PPEF2: variants seen among roughly 807,000 people sequenced by gnomAD.
PPEF2 encodes serine/threonine-protein phosphatase with EF-hands 2.
Under a neutral mutation model 84.7 loss-of-function variants are expected in PPEF2, and 84 were observed. The ratio of observed to expected loss-of-function variants is 0.99; its 90% CI spans 0.83 to 1.19. The LOEUF is 1.19. Ranked by LOEUF, PPEF2 falls within the 50% of genes most tolerant of loss-of-function variation. The pLI, the probability that PPEF2 is intolerant of heterozygous loss-of-function variation, is 0.00. For synonymous variants in PPEF2, 346 were observed against 345.2 expected (o/e 1.00, Z -0.03); for missense variants, 924 against 937.5 (o/e 0.99, Z 0.19).
chr4:75,865,717 G>A (rs975864611), intron 15 of PPEF2, among the ~76,000 whole-genome samples: 1 of 152,126 alleles, frequency 6.6e-6, no homozygotes, highest in Non-Finnish European at 1.5e-5. Context: ...TGAATTGCAT[G>A]GTATGTAAAT....
chr4:75,884,596 T>A lies in PPEF2; in HGVS notation c.744A>T (p.Leu248Phe), dbSNP rs531452399. The A allele has an allele frequency of 1.3e-6, 2 of 1,593,540 alleles. No homozygotes were observed. Among genetic ancestry groups the A allele is most frequent in the South Asian group, 1.2e-5 (1 of 86,804 alleles). ...CTCAAGCATGTTTTGACTTGTACCG[T>A]AAGTTCACCATATGGTCCTCATGGT... ...RGNHEDHMVN[L>F]RYGFTKEVMN... The change falls in exon 8 of 17, where the codon TTA becomes TTT. Residue 248 changes from leucine (L) to phenylalanine (F), a missense_variant and splice_region_variant. Leu to Phe is a conservative substitution (Grantham distance 22, BLOSUM62 0). Transcript: ENST00000286719.
intron 12 of PPEF2, among the ~76,000 whole-genome samples, chr4:75,872,907 G>A (rs560444525): frequency 7.5e-4 from 115 of 152,332 alleles, no homozygotes; most frequent in Non-Finnish European, 1.5e-3. Context: ...GTCAGTCAGG[G>A]CATTGGTGGA....
chr4:75,890,951 G>A (rs1287112929), intron 4 of PPEF2, among the ~76,000 whole-genome samples: 2 of 152,138 alleles, frequency 1.3e-5, no homozygotes, highest in African/African-American at 4.8e-5. Context: ...GGGAGGCCGA[G>A]GCAGGTGGAT....
Position 75,861,491 on chromosome 4 carries a change from C to T in PPEF2, c.2009-571G>A, listed in dbSNP as rs189990137. ...CAAAAAGAGTAAAGCTAGATACCTA[C>T]CTAACACTATATAAAAAAAACTAAC... On this transcript the variant is annotated intron_variant, in intron 16 of 16. Coordinates refer to ENST00000286719, the MANE Select transcript of PPEF2 (RefSeq NM_006239.3). Among the ~76,000 whole-genome samples the T allele has an allele frequency of 5.5e-3, 820 of 148,192 alleles. 7 individuals carry two copies. Among genetic ancestry groups the T allele is most frequent in the Middle Eastern group, 0.014 (4 of 294 alleles).
intron 6 of PPEF2, among the ~76,000 whole-genome samples, chr4:75,887,348 C>T (rs1724753725): frequency 1.3e-5 from 2 of 152,086 alleles, no homozygotes. Flanking sequence ...ATGGGCCGGG[C>T]GGGTGGCTCA....
chr4:75,895,296 G>T (rs1051538063), intron 2 of PPEF2, among the ~76,000 whole-genome samples: 93 of 151,990 alleles, frequency 6.1e-4, no homozygotes, highest in African/African-American at 2.1e-3. Context: ...GGGCATGGTG[G>T]CACCCGCCTG....
chr4:75,865,679 C>T (rs189107805), intron 15 of PPEF2, among the ~76,000 whole-genome samples: 148 of 152,278 alleles, frequency 9.7e-4, no homozygotes, highest in African/African-American at 3.2e-3. Context: ...AGCCACCGCA[C>T]CCAGCTGAAT....
intron 13 of PPEF2, 37 bp downstream of exon 13, chr4:75,871,987 AT>A (rs201465969): frequency 2.1e-5 from 32 of 1,514,936 alleles, no homozygotes; most frequent in South Asian, 5.0e-5. Flanking sequence ...GAACACTATA[AT>A]TTTTTTTTCT....
chr4:75,878,888 T>C (rs1230966640), intron 10 of PPEF2, among the ~76,000 whole-genome samples: 4 of 152,194 alleles, frequency 2.6e-5, no homozygotes, highest in Admixed American at 2.6e-4. Context: ...AAGCAATTCA[T>C]ATCGACTCAA....
At chr4:75,888,400 A>G (rs950965872) in intron 5 of PPEF2, 72 bp from the exon 6 acceptor site, 2 of 1,138,234 alleles carry the variant, frequency 1.8e-6, no homozygotes, top group Non-Finnish European at 2.6e-6. Context: ...CCTTACCTTT[A>G]CTGCTTAACA....
chr4:75,877,432 G>A (rs1187141298), intron 10 of PPEF2, among the ~76,000 whole-genome samples: 2 of 151,798 alleles, frequency 1.3e-5, no homozygotes, highest in Non-Finnish European at 2.9e-5. Context: ...AGGAAGGAAA[G>A]AAGGGAAGGA....
intron 7 of PPEF2, chr4:75,884,963 G>T: frequency 4.1e-6 from 2 of 489,506 alleles, no homozygotes; most frequent in Non-Finnish European, 7.1e-6. Flanking sequence ...GCTAAGGTTA[G>T]GAGATGCTCC....
At chr4:75,882,656 C>T (rs1724607260) in intron 10 of PPEF2, 1 of 292,344 alleles carries the variant, frequency 3.4e-6, no homozygotes. Flanking sequence ...TGCCACCACT[C>T]CCAGCTAAGT....
intron 11 of PPEF2, among the ~76,000 whole-genome samples, chr4:75,874,023 A>G: frequency 6.6e-6 from 1 of 151,852 alleles, no homozygotes; most frequent in East Asian, 1.9e-4. Flanking sequence ...CAGGAGAATC[A>G]CTGTAACCCG....
In PPEF2 at chr4:75,890,714, G is replaced by C. The variant is rs573364543; in HGVS notation, c.242-582C>G. Among the ~76,000 whole-genome samples, 40 of 152,260 alleles carry C rather than the reference G, an allele frequency of 2.6e-4. No homozygotes were observed. The South Asian group carries it at 8.1e-3, about 31-fold the overall frequency. On this transcript the variant is annotated intron_variant, in intron 4 of 16. Coordinates refer to ENST00000286719, the MANE Select transcript of PPEF2 (RefSeq NM_006239.3). ...AGGGACCTGGATTTGCAAGCAGAAG[G>C]AAAGGGGAAAGCCAGTGTGGAAAAA...
chr4:75,898,721 T>A (rs73825578), intron 1 of PPEF2, among the ~76,000 whole-genome samples: 240 of 152,344 alleles, frequency 1.6e-3, no homozygotes, highest in African/African-American at 5.5e-3. Context: ...TATGCCTTAT[T>A]TATTTTTTGC....
Position 75,876,550 on chromosome 4 carries a change from A to G in PPEF2, c.1057T>C (p.Ser353Pro). Residue 353 changes from serine (S) to proline (P), a missense_variant, in exon 11 of 17, where the codon TCT becomes CCT. Physicochemically the swap from Ser to Pro is moderately conservative, Grantham distance 74 (BLOSUM62 -1). Transcript: ENST00000286719. Reference protein sequence around the residue: ...PIPWFLPESRSLPSSPLRLGS... With the variant: ...PIPWFLPESRPLPSSPLRLGS... ...AGCCGAAGGGGCGAAGAGGGAAGAG[A>G]GCGGCTTTCGGGGAGAAACCATGGG... 1 of 1,614,086 alleles carries G rather than the reference A, an allele frequency of 6.2e-7. No homozygotes were observed. Among genetic ancestry groups the G allele is most frequent in the Non-Finnish European group, 8.5e-7 (1 of 1,180,020 alleles).
chr4:75,878,849 G>A (rs1266683102), intron 10 of PPEF2, among the ~76,000 whole-genome samples: 5 of 152,136 alleles, frequency 3.3e-5, no homozygotes, highest in African/African-American at 1.2e-4. Context: ...TGCGATCTCA[G>A]CTCACCAAAA....
intron 4 of PPEF2, among the ~76,000 whole-genome samples, chr4:75,890,681 A>C (rs991876219): frequency 2.6e-5 from 4 of 152,100 alleles, no homozygotes; most frequent in African/African-American, 9.7e-5. Flanking sequence ...TAGAGAGTAC[A>C]GAAATTTAGG....
Sources: allele counts gnomAD v4.1 joint callset (sites outside exome capture counted in the v4.1 genomes callset), GRCh38; gene constraint gnomAD v4.1.1; transcripts MANE v1.5; gene names NCBI Gene and HGNC (gene_info 2026-07-23, HGNC 2026-07-21).